The following CDH13 variants were observed in gnomAD, a reference collection of about 807,000 sequenced individuals.
CDH13 encodes cadherin 13.
Under a neutral mutation model 63.8 loss-of-function variants are expected in CDH13, and 24 were observed. The observed-to-expected ratio is 0.38, with a 90% confidence interval of 0.27 to 0.53. The LOEUF (loss-of-function observed/expected upper bound fraction) is 0.53. CDH13 is among the 20% of genes least tolerant of loss of function. CDH13 has a pLI of 0.85. For missense variants in CDH13, 1,049 were observed against 903.1 expected (o/e 1.16, Z -2.07); for synonymous variants, 503 against 355.3 (o/e 1.42, Z -4.67).
At chr16:83,089,656 C>G (rs958472349) in intron 3 of CDH13, among the ~76,000 whole-genome samples, 1 of 152,172 alleles carries the variant, frequency 6.6e-6, no homozygotes, top group African/African-American at 2.4e-5. Flanking sequence ...TTTCTAGAAC[C>G]TGATATAGAT....
rs567983644 is a variant in CDH13, at chr16:82,653,617, T to C, written c.45+26480T>C. Among the ~76,000 whole-genome samples the C allele has an allele frequency of 5.9e-5, 9 of 152,092 alleles. No individual in the cohort carries two copies. In the South Asian group the frequency reaches 6.3e-4, roughly 11 times the overall value. ...TTGCTTGTGGGGCTGGAGGCCAAGG[T>C]GCAGGGCTGCAGGGGTAGGAGGGAG... On this transcript the variant is annotated intron_variant, in intron 1 of 13. Transcript: ENST00000567109.
intron 2 of CDH13, among the ~76,000 whole-genome samples, chr16:82,885,630 T>C (rs1261865297): frequency 6.6e-6 from 1 of 152,160 alleles, no homozygotes; most frequent in African/African-American, 2.4e-5. Flanking sequence ...TATCTGTATA[T>C]TCTTTAATCT....
intron 1 of CDH13, among the ~76,000 whole-genome samples, chr16:82,789,176 G>A (rs545442964): frequency 1.3e-5 from 2 of 152,210 alleles, no homozygotes; most frequent in Non-Finnish European, 2.9e-5. Flanking sequence ...TGGAGGGGTT[G>A]AAGGGCCATT....
intron 2 of CDH13, among the ~76,000 whole-genome samples, chr16:82,983,714 T>C (rs1246099978): frequency 6.6e-6 from 1 of 152,188 alleles, no homozygotes; most frequent in Non-Finnish European, 1.5e-5. Context: ...AGAGAGATTG[T>C]GCATACCATG....
intron 6 of CDH13, among the ~76,000 whole-genome samples, chr16:83,473,814 A>G (rs1028177378): frequency 6.6e-6 from 1 of 152,172 alleles, no homozygotes. Context: ...CTTACCAGCT[A>G]GATAACTGAG....
chr16:83,428,594 T>G (rs1001298085), intron 6 of CDH13, among the ~76,000 whole-genome samples: 1 of 152,124 alleles, frequency 6.6e-6, no homozygotes, highest in Non-Finnish European at 1.5e-5. Context: ...GCCCAAGAAA[T>G]CAGAACTTTG....
chr16:83,558,834 T>C (rs952032608), intron 7 of CDH13, among the ~76,000 whole-genome samples: 13 of 152,138 alleles, frequency 8.5e-5, no homozygotes, highest in Admixed American at 2.0e-4. Context: ...CCCACGTGGG[T>C]AGGTAGGAAA....
At chr16:83,011,663 G>A (rs1384242487) in intron 2 of CDH13, among the ~76,000 whole-genome samples, 1 of 152,162 alleles carries the variant, frequency 6.6e-6, no homozygotes, top group Non-Finnish European at 1.5e-5. Context: ...CGGGGACCAG[G>A]GGACACCTGT....
At chr16:83,425,968 A>C (rs1477593700) in intron 6 of CDH13, among the ~76,000 whole-genome samples, 1 of 152,202 alleles carries the variant, frequency 6.6e-6, no homozygotes, top group Non-Finnish European at 1.5e-5. Flanking sequence ...ATTAAAATTA[A>C]AATGAGATAT....
intron 1 of CDH13, among the ~76,000 whole-genome samples, chr16:82,745,461 G>A (rs960496157): frequency 5.9e-5 from 9 of 152,046 alleles, no homozygotes; most frequent in African/African-American, 1.4e-4. Flanking sequence ...AAAATTAGCC[G>A]GGCATGGTGG....
intron 8 of CDH13, among the ~76,000 whole-genome samples, chr16:83,608,596 C>G (rs1908566665): frequency 6.6e-6 from 1 of 152,120 alleles, no homozygotes; most frequent in Non-Finnish European, 1.5e-5. Flanking sequence ...GTCAGTCCTC[C>G]TGCCTCAGCC....
chr16:82,655,060 G>A (rs142854062), intron 1 of CDH13, among the ~76,000 whole-genome samples: 1 of 152,212 alleles, frequency 6.6e-6, no homozygotes, highest in African/African-American at 2.4e-5. Flanking sequence ...GAGTCCAAAA[G>A]AAACTCAAGA....
In CDH13 at chr16:83,774,267, C is replaced by A. The variant is rs575309311; in HGVS notation, c.1682-5701C>A. Among the ~76,000 whole-genome samples, 480 of 152,232 alleles carry A rather than the reference C, an allele frequency of 3.2e-3. 1 individual carries two copies. Among genetic ancestry groups the A allele is most frequent in the Middle Eastern group, 0.01 (3 of 294 alleles). On this transcript the variant is annotated intron_variant, in intron 11 of 13. Coordinates refer to ENST00000567109, the MANE Select transcript of CDH13 (RefSeq NM_001257.5). The stretch of plus-strand genomic sequence containing the variant: ...CTGGAAATGATGATTCCTTGGGTAC[C>A]CAGCCTGACTATGACACAGGCTGTC...
chr16:82,772,227 G>A (rs375418809), intron 1 of CDH13, among the ~76,000 whole-genome samples: 2 of 152,178 alleles, frequency 1.3e-5, no homozygotes, highest in Non-Finnish European at 2.9e-5. Context: ...ACAAATTAGG[G>A]CTCCCTTCCC....
chr16:83,652,439 G>A (rs1007331659), intron 8 of CDH13, among the ~76,000 whole-genome samples: 18 of 152,158 alleles, frequency 1.2e-4, no homozygotes, highest in Non-Finnish European at 2.9e-5. Context: ...CATGCTGGGG[G>A]TGGGATTCTC....
At chr16:83,552,582 G>C (rs2075525963) in intron 7 of CDH13, among the ~76,000 whole-genome samples, 1 of 152,176 alleles carries the variant, frequency 6.6e-6, no homozygotes, top group Non-Finnish European at 1.5e-5. Flanking sequence ...TTTTTTTGCA[G>C]TGAATAGAAA....
chr16:83,264,443 G>A (rs1907352024), intron 5 of CDH13, among the ~76,000 whole-genome samples: 1 of 151,830 alleles, frequency 6.6e-6, no homozygotes, highest in South Asian at 2.1e-4. Context: ...ATACTTATAT[G>A]TGGATATATA....
At chr16:83,329,888 T>G (rs535255911) in intron 5 of CDH13, among the ~76,000 whole-genome samples, 1 of 152,224 alleles carries the variant, frequency 6.6e-6, no homozygotes, top group Middle Eastern at 3.2e-3. Context: ...AGTGTTTGTA[T>G]TGAATGAATA....
intron 7 of CDH13, among the ~76,000 whole-genome samples, chr16:83,499,260 A>T (rs1010851379): frequency 2.0e-5 from 3 of 152,254 alleles, no homozygotes; most frequent in Non-Finnish European, 2.9e-5. Context: ...GGTGGTTTGC[A>T]AAATACTCCT....
Sources: gnomAD v4.1 joint callset for allele counts (sites outside exome capture counted in the v4.1 genomes callset) on GRCh38, gnomAD v4.1.1 for gene constraint, MANE v1.5 for transcripts, NCBI Gene and HGNC (gene_info 2026-07-23, HGNC 2026-07-21) for gene names.